Variants in SNX24 observed in about 807,000 individuals in gnomAD.
SNX24 encodes the protein sorting nexin 24, also known as sorting nexin-24.
SNX24 carries 22 observed loss-of-function variants against 28.7 expected under a neutral mutation model. That is an observed-to-expected ratio of 0.77 (90% CI 0.55 to 1.10). The LOEUF (loss-of-function observed/expected upper bound fraction) is 1.10. Among genes scored for constraint, SNX24 ranks in the 50% least tolerant of loss-of-function variants. The probability of loss-of-function intolerance (pLI) is 0.00; values close to 1 mark genes in which losing one functional copy is unlikely to be tolerated. For missense variants in SNX24, 221 were observed against 201.1 expected (o/e 1.10, Z -0.60); for synonymous variants, 69 against 71.5 (o/e 0.96, Z 0.18).
At chr5:122,876,308 T>G (rs543155997) in intron 1 of SNX24, among the ~76,000 whole-genome samples, 1 of 152,256 alleles carries the variant, frequency 6.6e-6, no homozygotes, top group Non-Finnish European at 1.5e-5. Context: ...TTCATTTTCA[T>G]TGGCCATTAA....
At chr5:122,976,781 C>T (rs1050451708) in intron 3 of SNX24, among the ~76,000 whole-genome samples, 1 of 152,196 alleles carries the variant, frequency 6.6e-6, no homozygotes, top group Non-Finnish European at 1.5e-5. Flanking sequence ...GCCTAGAGTG[C>T]GTAAAACGCA....
chr5:122,860,608 G>A (rs1755414609), intron 1 of SNX24, among the ~76,000 whole-genome samples: 1 of 152,078 alleles, frequency 6.6e-6, no homozygotes, highest in South Asian at 2.1e-4. Context: ...TTTTATTGTT[G>A]TTGTTGAGAC....
chr5:122,967,234 C>CA (rs1760749721), intron 3 of SNX24, among the ~76,000 whole-genome samples: 1 of 152,186 alleles, frequency 6.6e-6, no homozygotes, highest in South Asian at 2.1e-4. Context: ...TCCTAGCCCT[C>CA]ACCACCATAC....
At chr5:123,005,137 G>C (rs1762381129) in intron 6 of SNX24, among the ~76,000 whole-genome samples, 1 of 152,186 alleles carries the variant, frequency 6.6e-6, no homozygotes, top group Non-Finnish European at 1.5e-5. Flanking sequence ...GGTGGACCTT[G>C]CTTTAAAACA....
At chr5:122,966,942 A>G (rs1475751672) in intron 3 of SNX24, among the ~76,000 whole-genome samples, 1 of 152,214 alleles carries the variant, frequency 6.6e-6, no homozygotes, top group East Asian at 1.9e-4. Flanking sequence ...CCAGGAATTC[A>G]AGGAGTCTGG....
intron 1 of SNX24, among the ~76,000 whole-genome samples, chr5:122,890,445 A>G (rs1408979443): frequency 6.7e-6 from 1 of 149,542 alleles, no homozygotes; most frequent in Non-Finnish European, 1.5e-5. Flanking sequence ...CCTTCTCTGT[A>G]AGGAAAAGAT....
intron 1 of SNX24, among the ~76,000 whole-genome samples, chr5:122,871,320 G>A (rs1378350327): frequency 4.6e-5 from 7 of 152,166 alleles, no homozygotes; most frequent in Admixed American, 4.6e-4. Context: ...TTGTAGGGTA[G>A]ATAGCTTCCC....
chr5:122,861,046 A>C (rs1755436913), intron 1 of SNX24, among the ~76,000 whole-genome samples: 1 of 152,144 alleles, frequency 6.6e-6, no homozygotes, highest in South Asian at 2.1e-4. Context: ...AATGGAAGAG[A>C]AAGAAACTTG....
At chr5:122,946,598 G>A (rs1759696334) in intron 3 of SNX24, among the ~76,000 whole-genome samples, 1 of 152,106 alleles carries the variant, frequency 6.6e-6, no homozygotes, top group Admixed American at 6.5e-5. Flanking sequence ...AAATTGAAAA[G>A]GAATGTATAA....
At chr5:122,929,943 C>T (rs1269704095) in intron 1 of SNX24, among the ~76,000 whole-genome samples, 1 of 151,812 alleles carries the variant, frequency 6.6e-6, no homozygotes, top group Non-Finnish European at 1.5e-5. Context: ...ATTTGTGCTT[C>T]TGCATATCTG....
At chr5:122,855,256 G>C (rs1170885536) in intron 1 of SNX24, among the ~76,000 whole-genome samples, 5 of 152,104 alleles carry the variant, frequency 3.3e-5, no homozygotes, top group Admixed American at 1.3e-4. Context: ...ATTTTTAGTA[G>C]AGACGGTTTC....
intron 4 of SNX24, 111 bp downstream of exon 4, chr5:123,000,117 C>T: frequency 1.4e-6 from 1 of 736,710 alleles, no homozygotes; most frequent in South Asian, 1.6e-5. Context: ...GCCACGCCCA[C>T]TCTTTTGGCT....
chr5:123,009,595 A>G (rs939691083), downstream of SNX24, among the ~76,000 whole-genome samples: 3 of 152,240 alleles, frequency 2.0e-5, no homozygotes, highest in African/African-American at 7.2e-5. Context: ...CACACCTCAC[A>G]AGAGTGGGAA....
At chr5:122,857,613 A>G (rs377405103) in intron 1 of SNX24, among the ~76,000 whole-genome samples, 1 of 151,772 alleles carries the variant, frequency 6.6e-6, no homozygotes, top group Non-Finnish European at 1.5e-5. Flanking sequence ...CTATGTGTCC[A>G]TGTCTTCTCA....
chr5:122,853,402 C>T (rs1192409448), intron 1 of SNX24, among the ~76,000 whole-genome samples: 1 of 152,162 alleles, frequency 6.6e-6, no homozygotes, highest in Non-Finnish European at 1.5e-5. Context: ...GCTGGGATTA[C>T]AGGCGTGAGC....
At chr5:122,845,868 C>A (rs1045484174) in intron 1 of SNX24, among the ~76,000 whole-genome samples, 175 bp downstream of exon 1, 1 of 151,890 alleles carries the variant, frequency 6.6e-6, no homozygotes, top group Non-Finnish European at 1.5e-5. Flanking sequence ...GAAACGGGCG[C>A]CCCTCCCGGG....
At chr5:122,917,964 C>A (rs901798188) in intron 1 of SNX24, among the ~76,000 whole-genome samples, 7 of 152,142 alleles carry the variant, frequency 4.6e-5, no homozygotes, top group East Asian at 1.9e-4. Context: ...CCTGTAGTCC[C>A]ATCTACTCAG....
At chr5:122,971,269 T>C (rs767349662) in intron 3 of SNX24, among the ~76,000 whole-genome samples, 6 of 152,206 alleles carry the variant, frequency 3.9e-5, no homozygotes, top group Non-Finnish European at 5.9e-5. Flanking sequence ...TTCTTCTGCC[T>C]GCTTTATCTT....
intron 3 of SNX24, among the ~76,000 whole-genome samples, chr5:122,978,964 A>G (rs1761280957): frequency 6.6e-6 from 1 of 152,222 alleles, no homozygotes; most frequent in Non-Finnish European, 1.5e-5. Flanking sequence ...GTAACATTCA[A>G]GCCTGTTGAT....
Sources: gnomAD v4.1 joint callset for allele counts (sites outside exome capture counted in the v4.1 genomes callset) on GRCh38, gnomAD v4.1.1 for gene constraint, MANE v1.5 for transcripts, NCBI Gene and HGNC (gene_info 2026-07-23, HGNC 2026-07-21) for gene names.